Variants in DMRT2 observed in about 807,000 individuals in gnomAD.
DMRT2 encodes the protein doublesex- and mab-3-related transcription factor 2.
In DMRT2, 33 loss-of-function variants were observed where a neutral mutation model predicts 43.5. That is an observed-to-expected ratio of 0.76 (90% CI 0.58 to 1.01). The LOEUF is 1.01. Ranked by LOEUF, DMRT2 falls within the 50% of genes least tolerant of loss-of-function variation. The pLI is 0.00. For missense variants in DMRT2, 1,064 were observed against 748.0 expected, an observed-to-expected ratio of 1.42 and a Z score of -4.93; for synonymous variants, 395 against 309.2, an observed-to-expected ratio of 1.28 and a Z score of -2.91.
chr9:1,053,843 C>T lies in DMRT2; in HGVS notation c.628+19C>T, dbSNP rs753836628. On this transcript the variant is annotated intron_variant, in intron 3 of 3. Coordinates refer to ENST00000358146, the MANE Select transcript of DMRT2 (RefSeq NM_181872.6). Reference sequence around the variant, plus strand: ...TTAGAAGGTAAAGCAACAAAATTATCCTTCAGCCTTTTAAACAGAGTTGAG... The same window carrying T: ...TTAGAAGGTAAAGCAACAAAATTATTCTTCAGCCTTTTAAACAGAGTTGAG... The T allele has an allele frequency of 5.6e-6, 9 of 1,600,642 alleles. No individual in the cohort carries two copies. In the East Asian group the frequency reaches 2.0e-4, roughly 36 times the overall value.
chr9:1,052,382 G>A (rs1269520685), intron 2 of DMRT2, among the ~76,000 whole-genome samples: 2 of 152,134 alleles, frequency 1.3e-5, no homozygotes, highest in Non-Finnish European at 2.9e-5. Flanking sequence ...GGCCTTGAAA[G>A]TGTTTAGGCC....
At chr9:1,055,825 A>C (rs752039179) in intron 3 of DMRT2, 6 of 1,519,716 alleles carry the variant, frequency 3.9e-6, no homozygotes, top group Non-Finnish European at 5.3e-6. Flanking sequence ...TTAATAATGA[A>C]AAAAGATGAC....
intron 3 of DMRT2, chr9:1,054,521 G>A (rs1461467838): frequency 6.6e-6 from 1 of 151,746 alleles, no homozygotes; most frequent in Non-Finnish European, 1.5e-5. Context: ...AATCCAGCAA[G>A]CGAAGTGGAG....
In DMRT2 at chr9:1,050,714, G is replaced by A. The variant is rs897807319; in HGVS notation, c.-106G>A. On this transcript the variant is annotated 5_prime_UTR_variant, in exon 1 of 4. An upstream open reading frame in the 5' UTR loses its in-frame stop. Transcript: ENST00000358146. ...TTTGCATGCACAGCCAGCAGCCCTA[G>A]CGCCAGATCCTAAAGCTGGATATCT... The A allele has an allele frequency of 2.0e-5, 3 of 152,280 alleles. No homozygotes were observed. Among genetic ancestry groups the A allele is most frequent in the Admixed American group, 6.5e-5 (1 of 15,286 alleles). 9.4% of individuals were successfully genotyped at this position (152,280 alleles called of 1,614,324 possible). A position where few individuals can be genotyped will look rare whatever the true frequency, so the allele number is the denominator to read the frequency against.
At position 1,057,313 on chromosome 9, in the gene DMRT2, A is replaced by G; in HGVS notation, c.*40A>G. 1 of 1,543,732 alleles carries G rather than the reference A, an allele frequency of 6.5e-7. No homozygotes were observed. Among genetic ancestry groups the G allele is most frequent in the Non-Finnish European group, 8.7e-7 (1 of 1,148,434 alleles). ...AGAAAGCTGGATTTTCTGCAGTCTT[A>G]GAGCATTATAGCCATTTGCTACTTT... is the stretch of plus-strand genomic sequence containing the variant. On this transcript the variant is annotated 3_prime_UTR_variant, in exon 4 of 4. Coordinates refer to ENST00000358146, the MANE Select transcript of DMRT2 (RefSeq NM_181872.6).
chr9:1,053,791 G>A lies in DMRT2; in HGVS notation c.595G>A (p.Ala199Thr). 1 of 1,614,144 alleles carries A rather than the reference G, an allele frequency of 6.2e-7. No individual in the cohort carries two copies. The highest frequency in any genetic ancestry group is 8.5e-7 in the Non-Finnish European group (1 of 1,180,010). ...AGCTGTGTACCAGAGGCAAGTCAGA[G>A]CCCCCAGTTTGCTGGCCAAAAGCAT... ...RKAVYQRQVR[A>T]PSLLAKSILE... The change falls in exon 3 of 4, where the codon GCC becomes ACC. Residue 199 changes from alanine (A) to threonine (T), a missense_variant. By Grantham distance (58) the Ala-to-Thr change is moderately conservative (BLOSUM62 0). Coordinates refer to ENST00000358146, the MANE Select transcript of DMRT2 (RefSeq NM_181872.6).
At chr9:1,055,836 A>G (rs1821944688) in intron 3 of DMRT2, 1 of 1,517,610 alleles carries the variant, frequency 6.6e-7, no homozygotes, top group South Asian at 1.3e-5. Flanking sequence ...AAAAGATGAC[A>G]TGGATAATAA....
Position 1,057,051 on chromosome 9 carries a change from A to T in DMRT2, c.1464A>T (p.Lys488Asn). 1.2e-6 allele frequency: 2 copies of T among 1,614,208 alleles called. No individual in the cohort carries two copies. The highest frequency in any genetic ancestry group is 1.7e-6 in the Non-Finnish European group (2 of 1,180,042). The change falls in exon 4 of 4, where the codon AAA becomes AAT. Residue 488 changes from lysine to asparagine, a missense_variant. Coordinates refer to ENST00000358146, the MANE Select transcript of DMRT2 (RefSeq NM_181872.6). ...TLTDKSGPEL[K>N]TPFVKEAFEE... ...CTGACAAATCGGGTCCTGAGTTGAA[A>T]ACACCATTTGTCAAAGAGGCCTTTG...
At chr9:1,055,638 A>C in intron 3 of DMRT2, 1 of 1,298,694 alleles carries the variant, frequency 7.7e-7, no homozygotes, top group Non-Finnish European at 1.0e-6. Flanking sequence ...TCAATTTTCT[A>C]TGCTTCTCTA....
rs2130192170 is a variant in DMRT2, at chr9:1,051,811, G to A, written c.198G>A (p.Glu66=). 2.0e-6 allele frequency: 3 copies of A among 1,477,692 alleles called. No homozygotes were observed. The highest frequency in any genetic ancestry group is 2.9e-5 in the East Asian group (1 of 34,510). 91.5% of individuals were successfully genotyped at this position (1,477,692 alleles called of 1,614,324 possible). The change falls in exon 2 of 4, where the codon GAG becomes GAA. Residue 66 remains glutamate, a synonymous_variant. Transcript: ENST00000358146. The surrounding 1 kb of genome is among the most constrained non-coding windows in gnomAD (Gnocchi z 5.9). Reference sequence around the variant, plus strand: ...ACGCGGAAGAAGAGGGCGACGGCGAGGAGGCAGGCGCGTCCCCCGGGATGC... The same window carrying A: ...ACGCGGAAGAAGAGGGCGACGGCGAAGAGGCAGGCGCGTCCCCCGGGATGC... ...DEDAEEEGDG[E]EAGASPGMPG...
intron 2 of DMRT2, 69 bp from the exon 3 acceptor site, chr9:1,053,653 C>G: frequency 7.7e-7 from 1 of 1,306,916 alleles, no homozygotes; most frequent in Middle Eastern, 2.1e-4. Flanking sequence ...TTACGGACAT[C>G]CCGTCCTTCC....
Position 1,051,930 on chromosome 9 carries a change from C to G in DMRT2, c.317C>G (p.Thr106Ser), listed in dbSNP as rs112585712. 0.057 allele frequency: 78,123 copies of G among 1,364,684 alleles called. 2,470 individuals are homozygous for G. The highest frequency in any genetic ancestry group is 0.066 in the South Asian group (3,649 of 55,408). 84.5% of individuals were successfully genotyped at this position (1,364,684 alleles called of 1,614,324 possible). ...GGCACCGGTCCCCGAGAGCGCTGCA[C>G]TCCCGCGGGCGGCGGCGCGGAGCCG... Reference protein sequence around the residue: ...PAGTGPRERCTPAGGGAEPRK... With the variant: ...PAGTGPRERCSPAGGGAEPRK... Residue 106 changes from threonine to serine, a missense_variant, in exon 2 of 4, where the codon ACT becomes AGT. Physicochemically the swap from Thr to Ser is moderately conservative, Grantham distance 58. Transcript: ENST00000358146. This position sits in a 1 kb window ranked among gnomAD's most constrained non-coding sequence, Gnocchi z 5.9.
In DMRT2 at chr9:1,051,102, C is replaced by A. The variant is rs1458667568; in HGVS notation, c.-45+327C>A. Among the ~76,000 whole-genome samples, 1 of 152,112 alleles carries A rather than the reference C, an allele frequency of 6.6e-6. No homozygotes were observed. Among genetic ancestry groups the A allele is most frequent in the Non-Finnish European group, 1.5e-5 (1 of 68,020 alleles). On this transcript the variant is annotated intron_variant, in intron 1 of 3. Coordinates refer to ENST00000358146, the MANE Select transcript of DMRT2 (RefSeq NM_181872.6). This position sits in a 1 kb window ranked among gnomAD's most constrained non-coding sequence, Gnocchi z 5.9. ...AGGCTGATGAGAGGCATTTGGGAAG[C>A]ATAGAGTGGTACTTCAGTGAGTCTG...
chr9:1,054,674 C>T (rs1000628015), intron 3 of DMRT2: 1 of 151,678 alleles, frequency 6.6e-6, no homozygotes, highest in African/African-American at 2.4e-5. Flanking sequence ...TATTTATTGA[C>T]CTCAATAATA....
At position 1,051,941 on chromosome 9, in the gene DMRT2, G is replaced by T; in HGVS notation, c.328G>T (p.Gly110Cys). The change falls in exon 2 of 4, where the codon GGC becomes TGC. Residue 110 changes from glycine to cysteine, a missense_variant. By Grantham distance (159) the Gly-to-Cys change is radical. Coordinates refer to ENST00000358146, the MANE Select transcript of DMRT2 (RefSeq NM_181872.6). The surrounding 1 kb of genome is among the most constrained non-coding windows in gnomAD (Gnocchi z 5.9). ...CCGAGAGCGCTGCACTCCCGCGGGCGGCGGCGCGGAGCCGCGCAAGCTGAG... is the reference window on the plus strand; with the variant it reads ...CCGAGAGCGCTGCACTCCCGCGGGCTGCGGCGCGGAGCCGCGCAAGCTGAG... ...GPRERCTPAG[G>C]GAEPRKLSRT... 1 of 1,364,278 alleles carries T rather than the reference G, an allele frequency of 7.3e-7. No homozygotes were observed. Among genetic ancestry groups the T allele is most frequent in the African/African-American group, 1.5e-5 (1 of 65,606 alleles). The allele number at this position is 1,364,278 out of a possible 1,614,324, so 84.5% of individuals were successfully genotyped here. A position where few individuals can be genotyped will look rare whatever the true frequency, so the allele number is the denominator to read the frequency against.
Position 1,053,808 on chromosome 9 carries a change from C to G in DMRT2, c.612C>G (p.Ala204=), listed in dbSNP as rs776244117. 6.2e-7 allele frequency: 1 copy of G among 1,613,986 alleles called. No homozygotes were observed. Among genetic ancestry groups the G allele is most frequent in the South Asian group, 1.1e-5 (1 of 91,058 alleles). ...AAGTCAGAGCCCCCAGTTTGCTGGC[C>G]AAAAGCATTTTAGAAGGTAAAGCAA... ...QRQVRAPSLL[A]KSILEGYRPI... Residue 204 remains alanine (A), a synonymous_variant, in exon 3 of 4, where the codon GCC becomes GCG. Coordinates refer to ENST00000358146, the MANE Select transcript of DMRT2 (RefSeq NM_181872.6).
chr9:1,057,386 G>T lies in DMRT2; in HGVS notation c.*113G>T. 1.6e-6 allele frequency: 2 copies of T among 1,250,410 alleles called. No individual in the cohort carries two copies. The highest frequency in any genetic ancestry group is 2.2e-6 in the Non-Finnish European group (2 of 928,886). The allele number at this position is 1,250,410 out of a possible 1,614,324, so 77.5% of individuals were successfully genotyped here. On this transcript the variant is annotated 3_prime_UTR_variant, in exon 4 of 4. Transcript: ENST00000358146. Reference sequence around the variant, plus strand: ...GTAAAGAAATTTCTAATGTAAAGATGATGATTTTGAAAAATTTTATATATT... The same window carrying T: ...GTAAAGAAATTTCTAATGTAAAGATTATGATTTTGAAAAATTTTATATATT...
intron 3 of DMRT2, among the ~76,000 whole-genome samples, chr9:1,055,538 T>G (rs1273636769): frequency 7.2e-6 from 1 of 139,502 alleles, no homozygotes; most frequent in African/African-American, 3.0e-5. Flanking sequence ...TTGTTTTATT[T>G]TATTTTATTT....
At chr9:1,054,282 C>T (rs948343805) in intron 3 of DMRT2, among the ~76,000 whole-genome samples, 1 of 152,228 alleles carries the variant, frequency 6.6e-6, no homozygotes, top group African/African-American at 2.4e-5. Flanking sequence ...AACACAACCA[C>T]GTCCACTTTT....
Sources: gnomAD v4.1 joint callset for allele counts (sites outside exome capture counted in the v4.1 genomes callset) on GRCh38, gnomAD v4.1.1 for gene constraint, Gnocchi (gnomAD v3.1) non-coding constraint, MANE v1.5 for transcripts, NCBI Gene and HGNC (gene_info 2026-07-23, HGNC 2026-07-21) for gene names.